Variants in SRBD1 observed in about 807,000 individuals in gnomAD.
SRBD1 encodes S1 RNA-binding domain-containing protein 1.
In SRBD1, 88 loss-of-function variants were observed where a neutral mutation model predicts 115.3. The observed-to-expected ratio is 0.76, with a 90% confidence interval of 0.64 to 0.91. The LOEUF (loss-of-function observed/expected upper bound fraction) is 0.91. Among genes scored for constraint, SRBD1 ranks in the 40% least tolerant of loss-of-function variants. The pLI is 0.00. For missense variants in SRBD1, 1,385 were observed against 1,177.4 expected (o/e 1.18, Z -2.58); for synonymous variants, 509 against 407.7 (o/e 1.25, Z -2.99).
At chr2:45,485,048 A>G (rs768162794) in intron 15 of SRBD1, among the ~76,000 whole-genome samples, 8 of 152,224 alleles carry the variant, frequency 5.3e-5, no homozygotes, top group Non-Finnish European at 1.2e-4. Context: ...GCACTTGTGT[A>G]CAAGTATTTT....
chr2:45,391,743 T>C (rs575774778), intron 20 of SRBD1, among the ~76,000 whole-genome samples: 14 of 152,274 alleles, frequency 9.2e-5, no homozygotes, highest in African/African-American at 3.1e-4. Context: ...AATTGGACCA[T>C]ATAATTTGAG....
chr2:45,478,301 ACT>A (rs1053214749), intron 15 of SRBD1, among the ~76,000 whole-genome samples: 1 of 152,146 alleles, frequency 6.6e-6, no homozygotes, highest in African/African-American at 2.4e-5. Flanking sequence ...CTTGCAAGTG[ACT>A]CTCAGATTCT....
intron 14 of SRBD1, among the ~76,000 whole-genome samples, chr2:45,510,456 T>C (rs958491877): frequency 6.6e-6 from 1 of 152,222 alleles, no homozygotes; most frequent in African/African-American, 2.4e-5. Flanking sequence ...ATTTACTGCA[T>C]TACCCTCTAA....
At chr2:45,410,261 C>T (rs1035668833) in intron 19 of SRBD1, among the ~76,000 whole-genome samples, 2 of 152,130 alleles carry the variant, frequency 1.3e-5, no homozygotes, top group Non-Finnish European at 2.9e-5. Flanking sequence ...GACAAAAATG[C>T]AAGGTAACCA....
chr2:45,463,370 A>G (rs1669383665), intron 16 of SRBD1, among the ~76,000 whole-genome samples: 1 of 152,228 alleles, frequency 6.6e-6, no homozygotes, highest in Non-Finnish European at 1.5e-5. Context: ...ATAATCTTAC[A>G]AGTAATTACA....
intron 16 of SRBD1, among the ~76,000 whole-genome samples, chr2:45,442,405 C>T (rs1438758256): frequency 6.6e-6 from 1 of 152,202 alleles, no homozygotes; most frequent in East Asian, 1.9e-4. Context: ...TGTAGTAGGA[C>T]TCATTTTCCT....
intron 14 of SRBD1, among the ~76,000 whole-genome samples, chr2:45,503,127 A>C (rs962023627): frequency 1.3e-5 from 2 of 152,218 alleles, no homozygotes; most frequent in African/African-American, 4.8e-5. Flanking sequence ...ACAATACATA[A>C]ATGTCTTTCA....
Position 45,553,524 on chromosome 2 carries a change from T to C in SRBD1, c.1517+99A>G. ...TGTGATGCTGACTAAATTCTTTCGATTGGTTAATCAATCAACAAACATTAG... is the reference window on the plus strand; with the variant it reads ...TGTGATGCTGACTAAATTCTTTCGACTGGTTAATCAATCAACAAACATTAG... On this transcript the variant is annotated intron_variant, in intron 11 of 20. Coordinates refer to ENST00000263736, the MANE Select transcript of SRBD1 (RefSeq NM_018079.5). 5.4e-6 allele frequency: 4 copies of C among 735,920 alleles called. No individual in the cohort carries two copies. In the East Asian group the frequency reaches 1.2e-4, roughly 22 times the overall value. The allele number at this position is 735,920 out of a possible 1,614,324, so 45.6% of individuals were successfully genotyped here.
chr2:45,421,671 T>G (rs1194922711), intron 16 of SRBD1, among the ~76,000 whole-genome samples: 1 of 152,090 alleles, frequency 6.6e-6, no homozygotes, highest in Non-Finnish European at 1.5e-5. Flanking sequence ...TAATGATCTG[T>G]GGGACAGGAG....
chr2:45,513,199 T>A (rs890247191), intron 14 of SRBD1, among the ~76,000 whole-genome samples: 2 of 152,160 alleles, frequency 1.3e-5, no homozygotes, highest in African/African-American at 4.8e-5. Context: ...TAGGATAGCA[T>A]GCCAGAGAGC....
At chr2:45,462,910 GACAAC>G (rs200272556) in intron 16 of SRBD1, among the ~76,000 whole-genome samples, 1 of 150,940 alleles carries the variant, frequency 6.6e-6, no homozygotes, top group East Asian at 2.0e-4. Context: ...TGTTCAAAAC[GACAAC>G]ACATGCATTT....
rs773143086 is a variant in SRBD1, at chr2:45,418,427, T to C, written c.2271A>G (p.Lys757=). The C allele has an allele frequency of 1.9e-6, 3 of 1,614,060 alleles. No homozygotes were observed. ...QLKKVKGLGP[K]SFQQCAGFIR... The stretch of plus-strand genomic sequence containing the variant: ...TGAAGCCAGCACACTGTTGGAAGGA[T>C]TTTGGGCCCAGCCCTTTCACTTTCT... The change falls in exon 18 of 21, where the codon AAA becomes AAG. Residue 757 remains lysine (K), a synonymous_variant. Transcript: ENST00000263736.
chr2:45,421,967 C>T (rs1274106248), intron 16 of SRBD1, among the ~76,000 whole-genome samples: 2 of 152,158 alleles, frequency 1.3e-5, no homozygotes, highest in African/African-American at 4.8e-5. Flanking sequence ...CTCTGAGCCA[C>T]AGCTTTTAAG....
chr2:45,430,141 CACAA>C (rs954167761), intron 16 of SRBD1, among the ~76,000 whole-genome samples: 6 of 152,198 alleles, frequency 3.9e-5, no homozygotes, highest in South Asian at 4.2e-4. Flanking sequence ...AAAGACAGGA[CACAA>C]ACAAACAGAA....
At chr2:45,416,824 G>A (rs1331803083) in intron 18 of SRBD1, among the ~76,000 whole-genome samples, 1 of 152,092 alleles carries the variant, frequency 6.6e-6, no homozygotes, top group Non-Finnish European at 1.5e-5. Flanking sequence ...TGTCGCCCAG[G>A]CTGGAGTGCA....
At chr2:45,394,498 G>C (rs1449084605) in intron 19 of SRBD1, among the ~76,000 whole-genome samples, 1 of 152,154 alleles carries the variant, frequency 6.6e-6, no homozygotes, top group African/African-American at 2.4e-5. Flanking sequence ...AATACAAAAA[G>C]AGAAAAAGGG....
intron 14 of SRBD1, among the ~76,000 whole-genome samples, chr2:45,517,720 C>T (rs913732677): frequency 3.3e-5 from 5 of 152,050 alleles, no homozygotes; most frequent in South Asian, 2.1e-4. Context: ...CAAGGCTGGG[C>T]GTGGTGGCTC....
chr2:45,500,014 T>A (rs72616993), intron 14 of SRBD1, among the ~76,000 whole-genome samples: 6,321 of 152,290 alleles, frequency 0.042, 242 homozygotes, highest in East Asian at 0.14. Flanking sequence ...TTAGTATTTT[T>A]TTTCTACTTC....
chr2:45,443,819 A>T (rs2103718050), intron 16 of SRBD1, among the ~76,000 whole-genome samples: 1 of 151,896 alleles, frequency 6.6e-6, no homozygotes, highest in Admixed American at 6.6e-5. Flanking sequence ...AAAAAAAAAA[A>T]AAAGAGGTGA....
Sources: gnomAD v4.1 joint callset for allele counts (sites outside exome capture counted in the v4.1 genomes callset) on GRCh38, gnomAD v4.1.1 for gene constraint, MANE v1.5 for transcripts, NCBI Gene and HGNC (gene_info 2026-07-23, HGNC 2026-07-21) for gene names.